The following ALKBH8 variants were observed in gnomAD, a reference collection of about 807,000 sequenced individuals.
The protein encoded by ALKBH8 is tRNA (carboxymethyluridine(34)-5-O)-methyltransferase ALKBH8.
ALKBH8 carries 36 observed loss-of-function variants against 59.8 expected under a neutral mutation model. The ratio of observed to expected loss-of-function variants is 0.60; its 90% CI spans 0.46 to 0.79. ALKBH8 has a LOEUF of 0.79. Among genes scored for constraint, ALKBH8 ranks in the 30% least tolerant of loss-of-function variants. The pLI is 0.00. For synonymous variants in ALKBH8, 276 were observed against 273.6 expected (o/e 1.01, Z -0.09); for missense variants, 768 against 801.0 (o/e 0.96, Z 0.50).
intron 9 of ALKBH8, among the ~76,000 whole-genome samples, chr11:107,522,901 T>C (rs1863183019): frequency 1.3e-5 from 2 of 152,180 alleles, no homozygotes; most frequent in Admixed American, 6.5e-5. Context: ...ATGGTCATTA[T>C]GAAAAACAGT....
intron 9 of ALKBH8, among the ~76,000 whole-genome samples, chr11:107,524,304 T>G (rs1368268908): frequency 6.6e-6 from 1 of 152,116 alleles, no homozygotes; most frequent in Admixed American, 6.5e-5. Flanking sequence ...CCTCAAGCAA[T>G]TCTCTTGCCT....
At chr11:107,523,686 T>C (rs1023762864) in intron 9 of ALKBH8, among the ~76,000 whole-genome samples, 10 of 147,542 alleles carry the variant, frequency 6.8e-5, no homozygotes, top group Non-Finnish European at 1.5e-4. Context: ...CACTGCAACC[T>C]CCGCCTCCTG....
chr11:107,538,838 G>A (rs774861245), intron 7 of ALKBH8, among the ~76,000 whole-genome samples: 2 of 152,190 alleles, frequency 1.3e-5, no homozygotes, highest in East Asian at 1.9e-4. Flanking sequence ...GAAAGAGGCC[G>A]AGATGATTAA....
chr11:107,504,766 C>T lies in ALKBH8; in HGVS notation c.1887G>A (p.Val629=), dbSNP rs1379467237. 4.5e-6 allele frequency: 7 copies of T among 1,551,950 alleles called. No individual in the cohort carries two copies. Among genetic ancestry groups the T allele is most frequent in the African/African-American group, 1.4e-5 (1 of 73,022 alleles). ...CACCTTCCAGTTCTCCCTCACGGAA[C>T]ACATGGTAGTAACGATGAAACACAG... is the stretch of plus-strand genomic sequence containing the variant. The part of the protein sequence containing the change: ...PSPVFHRYYH[V]FREGELEGAC... Residue 629 remains valine (V), a synonymous_variant, in exon 12 of 12, where the codon GTG becomes GTA. Coordinates refer to ENST00000428149, the MANE Select transcript of ALKBH8 (RefSeq NM_138775.3).
intron 7 of ALKBH8, among the ~76,000 whole-genome samples, chr11:107,539,571 C>G (rs1465242698): frequency 1.3e-5 from 2 of 151,494 alleles, no homozygotes; most frequent in East Asian, 1.9e-4. Context: ...TGCACTCCAG[C>G]CTGGGCAACA....
In ALKBH8 at chr11:107,544,668, A is replaced by G. The variant is rs1032118494; in HGVS notation, c.771+5085T>C. On this transcript the variant is annotated intron_variant, in intron 7 of 11. Coordinates refer to ENST00000428149, the MANE Select transcript of ALKBH8 (RefSeq NM_138775.3). ...TTTGAATGTTAGAGACCCACAGGAT[A>G]AAAGGAAAAATGAAGATTGGCCCAA... 5.3e-5 allele frequency among the ~76,000 whole-genome samples: 8 copies of G among 152,190 alleles called. 1 individual carries two copies. The highest frequency in any genetic ancestry group is 5.2e-4 in the Admixed American group (8 of 15,280).
At chr11:107,563,325 G>A (rs888387771) in intron 1 of ALKBH8, among the ~76,000 whole-genome samples, 1 of 152,140 alleles carries the variant, frequency 6.6e-6, no homozygotes, top group East Asian at 1.9e-4. Context: ...TTACCACAGA[G>A]CCTCATTCAG....
chr11:107,558,645 C>T lies in ALKBH8; in HGVS notation c.130-1642G>A, dbSNP rs185872953. ...AAGGTAAACCACACAAAAACAAGTG[C>T]GGTAGAAGAGGAGAGGAACTTATTT... is the stretch of plus-strand genomic sequence containing the variant. On this transcript the variant is annotated intron_variant, in intron 2 of 11. Coordinates refer to ENST00000428149, the MANE Select transcript of ALKBH8 (RefSeq NM_138775.3). 2.5e-3 allele frequency among the ~76,000 whole-genome samples: 384 copies of T among 151,682 alleles called. 2 individuals carry two copies. The highest frequency in any genetic ancestry group is 4.5e-3 in the Non-Finnish European group (303 of 67,900).
At chr11:107,536,381 C>A (rs1409401623) in intron 7 of ALKBH8, among the ~76,000 whole-genome samples, 3 of 151,766 alleles carry the variant, frequency 2.0e-5, no homozygotes, top group African/African-American at 4.9e-5. Context: ...TGTTAGCCAA[C>A]TGCTTAACAG....
intron 11 of ALKBH8, among the ~76,000 whole-genome samples, chr11:107,510,512 G>A (rs1480443027): frequency 6.6e-6 from 1 of 152,220 alleles, no homozygotes; most frequent in East Asian, 1.9e-4. Context: ...ATACAGAAGG[G>A]ACTCATAGAG....
chr11:107,547,599 T>C lies in ALKBH8; in HGVS notation c.771+2154A>G, dbSNP rs147965385. 2.9e-3 allele frequency among the ~76,000 whole-genome samples: 439 copies of C among 152,300 alleles called. 1 individual carries two copies. The highest frequency in any genetic ancestry group is 9.7e-3 in the African/African-American group (403 of 41,560). On this transcript the variant is annotated intron_variant, in intron 7 of 11. Coordinates refer to ENST00000428149, the MANE Select transcript of ALKBH8 (RefSeq NM_138775.3). ...TTTATAGATGAAATAAAGGCCCAAA[T>C]TTAGTGGACTGTTTTAAATAGTATT...
chr11:107,545,699 T>A (rs370637853), intron 7 of ALKBH8, among the ~76,000 whole-genome samples: 449 of 152,326 alleles, frequency 2.9e-3, no homozygotes, highest in Non-Finnish European at 4.7e-3. Context: ...TATCAGCAGC[T>A]ATCTCTGCCC....
intron 1 of ALKBH8, among the ~76,000 whole-genome samples, chr11:107,562,015 T>G (rs1864956117): frequency 6.6e-6 from 1 of 152,104 alleles, no homozygotes; most frequent in African/African-American, 2.4e-5. Context: ...AAAAATAAGA[T>G]GGATGTGGGC....
At chr11:107,557,251 A>G (rs1335493942) in intron 2 of ALKBH8, among the ~76,000 whole-genome samples, 1 of 152,226 alleles carries the variant, frequency 6.6e-6, no homozygotes, top group Admixed American at 6.5e-5. Flanking sequence ...CAAAATATTC[A>G]TTTCTAAATG....
At chr11:107,517,607 A>G (rs543366829) in intron 10 of ALKBH8, among the ~76,000 whole-genome samples, 1 of 152,348 alleles carries the variant, frequency 6.6e-6, no homozygotes, top group South Asian at 2.1e-4. Flanking sequence ...CCTGCCATTC[A>G]TAACAATATA....
At chr11:107,511,889 T>A (rs1048290824) in intron 10 of ALKBH8, among the ~76,000 whole-genome samples, 1 of 151,638 alleles carries the variant, frequency 6.6e-6, no homozygotes. Flanking sequence ...TTTTTTTTTA[T>A]TTTTTAAAGC....
chr11:107,509,327 T>TA (rs1225425791), intron 11 of ALKBH8, among the ~76,000 whole-genome samples: 3 of 152,214 alleles, frequency 2.0e-5, no homozygotes, highest in African/African-American at 7.2e-5. Context: ...AATGTCTATT[T>TA]AAGTCCTCTG....
intron 7 of ALKBH8, among the ~76,000 whole-genome samples, chr11:107,541,540 T>C (rs1183513533): frequency 6.6e-6 from 1 of 152,264 alleles, no homozygotes; most frequent in African/African-American, 2.4e-5. Context: ...TATATTAATT[T>C]CTATTTATTC....
At chr11:107,553,333 T>C (rs1425625406) in intron 4 of ALKBH8, 130 bp from the exon 5 acceptor site, 3 of 553,020 alleles carry the variant, frequency 5.4e-6, no homozygotes, top group Non-Finnish European at 9.3e-6. Flanking sequence ...ATTATGGTCT[T>C]TAACAAAATT....
Sources: gnomAD v4.1 joint callset for allele counts (sites outside exome capture counted in the v4.1 genomes callset) on GRCh38, gnomAD v4.1.1 for gene constraint, MANE v1.5 for transcripts, NCBI Gene and HGNC (gene_info 2026-07-23, HGNC 2026-07-21) for gene names.